Variants in SPIDR observed in about 807,000 individuals in gnomAD.
SPIDR encodes the protein DNA repair-scaffolding protein.
In SPIDR, 93 loss-of-function variants were observed where a neutral mutation model predicts 104.6. The ratio of observed to expected loss-of-function variants is 0.89; its 90% CI spans 0.75 to 1.06. The LOEUF is 1.06. SPIDR is among the 50% of genes least tolerant of loss of function. The probability of loss-of-function intolerance (pLI) is 0.00; values close to 1 mark genes in which losing one functional copy is unlikely to be tolerated. For synonymous variants in SPIDR, 431 were observed against 416.9 expected (o/e 1.03, Z -0.41); for missense variants, 1,154 against 1,111.2 (o/e 1.04, Z -0.55).
intron 8 of SPIDR, among the ~76,000 whole-genome samples, chr8:47,584,268 C>A (rs1588064101): frequency 6.6e-6 from 1 of 152,256 alleles, no homozygotes; most frequent in South Asian, 2.1e-4. Context: ...TAATGCTTAC[C>A]TGTGTAGTTA....
intron 8 of SPIDR, among the ~76,000 whole-genome samples, chr8:47,575,475 C>G (rs1164697123): frequency 2.0e-5 from 3 of 150,226 alleles, no homozygotes; most frequent in African/African-American, 7.4e-5. Context: ...AACCCCGTCT[C>G]TACTAAAAAT....
chr8:47,638,520 C>T (rs1182839056), intron 10 of SPIDR, among the ~76,000 whole-genome samples: 2 of 152,136 alleles, frequency 1.3e-5, no homozygotes, highest in African/African-American at 2.4e-5. Flanking sequence ...AGTATGAATG[C>T]TCGGTTGTGG....
chr8:47,330,812 C>CA (rs1479142441), intron 5 of SPIDR: 3 of 456,214 alleles, frequency 6.6e-6, no homozygotes, highest in Non-Finnish European at 1.3e-5. Flanking sequence ...GTGCTATAAA[C>CA]ATACATTTGG....
At chr8:47,552,900 AGTT>A (rs2090768651) in intron 8 of SPIDR, among the ~76,000 whole-genome samples, 1 of 152,104 alleles carries the variant, frequency 6.6e-6, no homozygotes, top group African/African-American at 2.4e-5. Flanking sequence ...GGCTGGTACC[AGTT>A]GTTCCTTTCC....
intron 10 of SPIDR, among the ~76,000 whole-genome samples, chr8:47,602,361 A>G (rs2062403071): frequency 6.6e-6 from 1 of 152,208 alleles, no homozygotes; most frequent in African/African-American, 2.4e-5. Context: ...GTCTTTCAGA[A>G]TGGCTTTTCT....
chr8:47,727,269 G>A lies in SPIDR; in HGVS notation c.2411G>A (p.Arg804Lys). 6.2e-7 allele frequency: 1 copy of A among 1,614,144 alleles called. No homozygotes were observed. Among genetic ancestry groups the A allele is most frequent in the Non-Finnish European group, 8.5e-7 (1 of 1,179,996 alleles). ...WPVCDMCGNGRLEQRPEDRGA... is the reference protein window; with the variant it reads ...WPVCDMCGNGKLEQRPEDRGA... ...GTGTGTGACATGTGTGGCAACGGGA[G>A]ATTGGAACAGAGGCCGGAAGACAGG... The change falls in exon 17 of 20, where the codon AGA (arginine) becomes AAA (lysine). Residue 804 changes from arginine to lysine, a missense_variant. Transcript: ENST00000297423.
intron 8 of SPIDR, among the ~76,000 whole-genome samples, chr8:47,510,682 A>G (rs978331508): frequency 6.6e-6 from 1 of 152,214 alleles, no homozygotes; most frequent in Admixed American, 6.5e-5. Context: ...CTAGGAAGTT[A>G]CAAGTGAAAA....
At chr8:47,645,504 A>G (rs2070172015) in intron 10 of SPIDR, among the ~76,000 whole-genome samples, 1 of 152,096 alleles carries the variant, frequency 6.6e-6, no homozygotes, top group East Asian at 1.9e-4. Flanking sequence ...ACCGTGGAGG[A>G]GAGAGGTAAG....
intron 5 of SPIDR, among the ~76,000 whole-genome samples, chr8:47,353,837 A>G (rs2054016982): frequency 1.3e-5 from 2 of 152,110 alleles, no homozygotes; most frequent in African/African-American, 4.8e-5. Flanking sequence ...GTTCATTCAC[A>G]TAAGTTTCAG....
At chr8:47,558,227 CAGT>C (rs1370215710) in intron 8 of SPIDR, among the ~76,000 whole-genome samples, 3 of 152,114 alleles carry the variant, frequency 2.0e-5, no homozygotes, top group Non-Finnish European at 4.4e-5. Context: ...GTGACAGCAT[CAGT>C]AGAAGCCCAA....
chr8:47,473,617 G>A (rs900983651), intron 8 of SPIDR, among the ~76,000 whole-genome samples: 7 of 152,218 alleles, frequency 4.6e-5, no homozygotes, highest in South Asian at 2.1e-4. Context: ...TTCCACACGC[G>A]TCTATTTTAG....
chr8:47,394,966 T>C (rs1303679897), intron 5 of SPIDR, among the ~76,000 whole-genome samples: 1 of 152,190 alleles, frequency 6.6e-6, no homozygotes, highest in Admixed American at 6.5e-5. Flanking sequence ...ATTTACTTTT[T>C]CTTATTTTCA....
chr8:47,364,971 G>A (rs1441499331), intron 5 of SPIDR, among the ~76,000 whole-genome samples: 1 of 152,224 alleles, frequency 6.6e-6, no homozygotes, highest in East Asian at 1.9e-4. Flanking sequence ...CCCACAGCAA[G>A]CCTGTGGCCA....
intron 5 of SPIDR, among the ~76,000 whole-genome samples, chr8:47,312,256 A>G (rs2044331551): frequency 6.6e-6 from 1 of 152,230 alleles, no homozygotes; most frequent in Admixed American, 6.5e-5. Flanking sequence ...GGCTGGGTCA[A>G]ATGGTATTTC....
chr8:47,663,319 G>A (rs1351909446), intron 10 of SPIDR, among the ~76,000 whole-genome samples: 3 of 152,204 alleles, frequency 2.0e-5, no homozygotes, highest in African/African-American at 7.2e-5. Context: ...ACAGTCTGTA[G>A]TTGCACACTT....
intron 11 of SPIDR, among the ~76,000 whole-genome samples, chr8:47,696,003 C>A (rs890384116): frequency 2.0e-5 from 3 of 152,210 alleles, no homozygotes; most frequent in Non-Finnish European, 4.4e-5. Context: ...TGCCCCAGGA[C>A]TTGCCCCATC....
intron 8 of SPIDR, among the ~76,000 whole-genome samples, chr8:47,454,029 G>C (rs1291406707): frequency 2.0e-5 from 3 of 152,138 alleles, no homozygotes; most frequent in African/African-American, 7.2e-5. Flanking sequence ...AGCATTGGTG[G>C]GACTGTAAAC....
chr8:47,596,044 T>C (rs2061590742), intron 9 of SPIDR, 38 bp downstream of exon 9: 1 of 1,558,186 alleles, frequency 6.4e-7, no homozygotes, highest in African/African-American at 1.4e-5. Flanking sequence ...ATGCTTGTAA[T>C]AATGTTAGTG....
At chr8:47,636,573 C>A (rs1325362990) in intron 10 of SPIDR, among the ~76,000 whole-genome samples, 2 of 152,148 alleles carry the variant, frequency 1.3e-5, no homozygotes, top group Admixed American at 1.3e-4. Flanking sequence ...GTAATCCCAG[C>A]ACTTTGGGAG....
Sources: gnomAD v4.1 joint callset for allele counts (sites outside exome capture counted in the v4.1 genomes callset) on GRCh38, gnomAD v4.1.1 for gene constraint, MANE v1.5 for transcripts, NCBI Gene and HGNC (gene_info 2026-07-23, HGNC 2026-07-21) for gene names.